Variants in PANX1 observed in about 807,000 individuals in gnomAD.
PANX1 encodes the protein pannexin-1.
Under a neutral mutation model 38.7 loss-of-function variants are expected in PANX1, and 30 were observed. That is an observed-to-expected ratio of 0.78 (90% CI 0.58 to 1.05). The LOEUF is 1.05. Ranked by LOEUF, PANX1 falls within the 50% of genes least tolerant of loss-of-function variation. The probability of loss-of-function intolerance (pLI) is 0.00; values close to 1 mark genes in which losing one functional copy is unlikely to be tolerated. For synonymous variants in PANX1, 230 were observed against 212.2 expected, an observed-to-expected ratio of 1.08 and a Z score of -0.73; for missense variants, 551 against 517.2, an observed-to-expected ratio of 1.07 and a Z score of -0.63.
chr11:94,130,241 A>G (rs1420520956), intron 1 of PANX1, among the ~76,000 whole-genome samples: 2 of 147,914 alleles, frequency 1.4e-5, no homozygotes, highest in Non-Finnish European at 2.9e-5. Context: ...CAGGAGGGTT[A>G]AATACAGTTC....
At chr11:94,157,446 G>A (rs1304139468) in intron 2 of PANX1, among the ~76,000 whole-genome samples, 1 of 152,066 alleles carries the variant, frequency 6.6e-6, no homozygotes, top group Non-Finnish European at 1.5e-5. Context: ...GTGTGAGATG[G>A]TATCTCATTG....
Position 94,166,952 on chromosome 11 carries a change from A to G in PANX1, c.322-11417A>G, listed in dbSNP as rs1213671185. On this transcript the variant is annotated intron_variant, in intron 2 of 4. Coordinates refer to ENST00000227638, the MANE Select transcript of PANX1 (RefSeq NM_015368.4). ...GGCTTGTCCAAGGCCTACAGTTACTATGTCCTGATTGGCACTCAGATTTAT... is the reference window on the plus strand; with the variant it reads ...GGCTTGTCCAAGGCCTACAGTTACTGTGTCCTGATTGGCACTCAGATTTAT... 3.9e-5 allele frequency among the ~76,000 whole-genome samples: 6 copies of G among 152,188 alleles called. No individual in the cohort carries two copies. The South Asian group carries it at 1.0e-3, about 26-fold the overall frequency.
intron 2 of PANX1, among the ~76,000 whole-genome samples, chr11:94,174,500 C>T (rs546672111): frequency 6.6e-6 from 1 of 151,612 alleles, no homozygotes. Context: ...TCAGGTGTTA[C>T]CTCTTTTATG....
In PANX1 at chr11:94,142,468, G is replaced by T. The variant is rs72970727; in HGVS notation, c.182-11023G>T. The stretch of plus-strand genomic sequence containing the variant: ...TTATCTGACCCCAGCTTGACTGTGT[G>T]CTCCAGACACAGTGGTCTGCTTCCT... On this transcript the variant is annotated intron_variant, in intron 1 of 4. Transcript: ENST00000227638. Among the ~76,000 whole-genome samples the T allele has an allele frequency of 0.012, 1,852 of 152,280 alleles. 84 individuals carry two copies. In the East Asian group the frequency reaches 0.14, roughly 11 times the overall value.
chr11:94,172,752 T>G (rs1947182814), intron 2 of PANX1, among the ~76,000 whole-genome samples: 1 of 151,744 alleles, frequency 6.6e-6, no homozygotes, highest in African/African-American at 2.4e-5. Context: ...CAAACTGTAT[T>G]GAAAGGGAGC....
At chr11:94,148,985 C>G (rs1402611317) in intron 1 of PANX1, among the ~76,000 whole-genome samples, 2 of 152,120 alleles carry the variant, frequency 1.3e-5, no homozygotes, top group African/African-American at 4.8e-5. Context: ...TCACAACCCA[C>G]TAGCCACAAG....
At chr11:94,162,684 G>A (rs995342073) in intron 2 of PANX1, among the ~76,000 whole-genome samples, 8 of 152,074 alleles carry the variant, frequency 5.3e-5, no homozygotes, top group Non-Finnish European at 8.8e-5. Context: ...GTGATGCCTC[G>A]CCCTGCTTCG....
At chr11:94,134,655 C>T (rs565199799) in intron 1 of PANX1, among the ~76,000 whole-genome samples, 2 of 136,654 alleles carry the variant, frequency 1.5e-5, no homozygotes, top group East Asian at 2.6e-4. Context: ...CTCTTCCTCT[C>T]CCCCCTCCCT....
chr11:94,129,431 G>A lies in PANX1; in HGVS notation c.119G>A (p.Cys40Tyr). The stretch of plus-strand genomic sequence containing the variant: ...CTGGCTGTGGACAAGATGGTCACGT[G>A]CATTGCGGTGGGGCTGCCCCTGCTG... ...LELAVDKMVT[C>Y]IAVGLPLLLI... The change falls in exon 1 of 5, where the codon TGC becomes TAC. Residue 40 changes from cysteine to tyrosine, a missense_variant. By Grantham distance (194) the Cys-to-Tyr change is radical. Transcript: ENST00000227638. 6.2e-7 allele frequency: 1 copy of A among 1,613,988 alleles called. No individual in the cohort carries two copies. Among genetic ancestry groups the A allele is most frequent in the Non-Finnish European group, 8.5e-7 (1 of 1,179,912 alleles).
At position 94,129,237 on chromosome 11, in the gene PANX1, T is replaced by G; in HGVS notation, c.-76T>G. The stretch of plus-strand genomic sequence containing the variant: ...GAAAGCCGCGCGCCCGGCCGGTGAC[T>G]GGGTGAAGGCGCCGCGCAGCTTTCC... On this transcript the variant is annotated 5_prime_UTR_variant, in exon 1 of 5. Transcript: ENST00000227638. 7.6e-7 allele frequency: 1 copy of G among 1,323,202 alleles called. No individual in the cohort carries two copies. Among genetic ancestry groups the G allele is most frequent in the Non-Finnish European group, 1.0e-6 (1 of 964,520 alleles). The allele number at this position is 1,323,202 out of a possible 1,614,324, so 82.0% of individuals were successfully genotyped here. A position where few individuals can be genotyped will look rare whatever the true frequency, so the allele number is the denominator to read the frequency against.
chr11:94,129,593 T>C, intron 1 of PANX1, 100 bp downstream of exon 1: 2 of 1,090,012 alleles, frequency 1.8e-6, no homozygotes, highest in South Asian at 3.2e-5. Flanking sequence ...CGCCCAGCTG[T>C]GATGGTCGTG....
intron 2 of PANX1, among the ~76,000 whole-genome samples, chr11:94,159,276 T>G (rs1946991605): frequency 6.6e-6 from 1 of 152,206 alleles, no homozygotes; most frequent in Non-Finnish European, 1.5e-5. Context: ...TAAAATGAGT[T>G]AGGGAGGATT....
At position 94,144,546 on chromosome 11, in the gene PANX1, C is replaced by T. The variant is rs143407720; in HGVS notation, c.182-8945C>T. Among the ~76,000 whole-genome samples, 10 of 152,304 alleles carry T rather than the reference C, an allele frequency of 6.6e-5. No individual in the cohort carries two copies. In the East Asian group the frequency reaches 1.9e-3, roughly 30 times the overall value. ...GGGGTTCTCACACTCCAGCCATTGA[C>T]TGCAGGTGGCTAGTCTTGTCAGCTC... On this transcript the variant is annotated intron_variant, in intron 1 of 4. Transcript: ENST00000227638.
rs761907786 is a variant in PANX1 at position 94,179,966 on chromosome 11, G to T, written c.910G>T (p.Asp304Tyr). The change falls in exon 4 of 5, where the codon GAT (aspartate) becomes TAT (tyrosine). Residue 304 changes from aspartate to tyrosine, a missense_variant. Transcript: ENST00000227638. ...TLFVPFRQKT[D>Y]VLKVYEILPT... ...GTTTGTTCCATTCCGACAGAAGACA[G>T]ATGTTCTCAAAGTGTACGAAATCCT... 6.3e-7 allele frequency: 1 copy of T among 1,599,150 alleles called. No individual in the cohort carries two copies. The highest frequency in any genetic ancestry group is 1.3e-5 in the African/African-American group (1 of 74,762).
chr11:94,174,357 C>G (rs928672191), intron 2 of PANX1, among the ~76,000 whole-genome samples: 4 of 151,256 alleles, frequency 2.6e-5, no homozygotes, highest in African/African-American at 7.4e-5. Flanking sequence ...GAGAATTCAA[C>G]AGACAAACAC....
At chr11:94,155,391 G>A (rs983030466) in intron 2 of PANX1, among the ~76,000 whole-genome samples, 2 of 151,024 alleles carry the variant, frequency 1.3e-5, no homozygotes, top group Admixed American at 6.6e-5. Flanking sequence ...GTGCATGCCT[G>A]TAGTCTCAGT....
chr11:94,152,255 CA>C (rs1329446949), intron 1 of PANX1, among the ~76,000 whole-genome samples: 1 of 152,176 alleles, frequency 6.6e-6, no homozygotes. Flanking sequence ...AGTGCTGCAG[CA>C]AGTTTTGTTT....
chr11:94,162,810 C>T (rs1947060817), intron 2 of PANX1, among the ~76,000 whole-genome samples: 1 of 151,340 alleles, frequency 6.6e-6, no homozygotes. Flanking sequence ...CTGCGTCGCT[C>T]ACACTGGGAG....
intron 2 of PANX1, among the ~76,000 whole-genome samples, chr11:94,156,686 C>G (rs543477894): frequency 4.6e-5 from 7 of 151,202 alleles, no homozygotes; most frequent in African/African-American, 1.5e-4. Flanking sequence ...GATTATCATT[C>G]ATCTTTTTTT....
Sources: allele counts gnomAD v4.1 joint callset (sites outside exome capture counted in the v4.1 genomes callset), GRCh38; gene constraint gnomAD v4.1.1; transcripts MANE v1.5; gene names NCBI Gene and HGNC (gene_info 2026-07-23, HGNC 2026-07-21).